The following TBC1D32 variants were observed in gnomAD, a reference collection of about 807,000 sequenced individuals.
TBC1D32 encodes TBC1 domain family member 32.
TBC1D32 carries 151 observed loss-of-function variants against 170.3 expected under a neutral mutation model. The ratio of observed to expected loss-of-function variants is 0.89; its 90% CI spans 0.78 to 1.01. The LOEUF (loss-of-function observed/expected upper bound fraction) is 1.01. Among genes scored for constraint, TBC1D32 ranks in the 50% least tolerant of loss-of-function variants. TBC1D32 has a pLI of 0.00. For synonymous variants in TBC1D32, 498 were observed against 488.0 expected, an observed-to-expected ratio of 1.02 and a Z score of -0.27; for missense variants, 1,464 against 1,457.1, an observed-to-expected ratio of 1.00 and a Z score of -0.08.
At chr6:121,091,221 A>T (rs1353847731) in intron 30 of TBC1D32, among the ~76,000 whole-genome samples, 180 bp from the exon 31 acceptor site, 1 of 152,192 alleles carries the variant, frequency 6.6e-6, no homozygotes, top group East Asian at 1.9e-4. Context: ...TCAGTTGTGA[A>T]AAAAACTTTC....
chr6:121,147,780 G>C (rs1562654875), intron 24 of TBC1D32, among the ~76,000 whole-genome samples: 1 of 151,972 alleles, frequency 6.6e-6, no homozygotes, highest in African/African-American at 2.4e-5. Context: ...TTTTAGTAGA[G>C]ACAGGGTTTA....
intron 22 of TBC1D32, among the ~76,000 whole-genome samples, chr6:121,189,051 T>C (rs1219096165): frequency 6.6e-6 from 1 of 152,212 alleles, no homozygotes; most frequent in East Asian, 1.9e-4. Flanking sequence ...ATTAATATGA[T>C]TTAATTGTTG....
Position 121,281,638 on chromosome 6 carries a change from C to T in TBC1D32, c.1514G>A (p.Ser505Asn). 1 of 1,605,706 alleles carries T rather than the reference C, an allele frequency of 6.2e-7. No homozygotes were observed. The highest frequency in any genetic ancestry group is 8.5e-7 in the Non-Finnish European group (1 of 1,175,230). ...TTCCACTGCACATTCTTTTTGATCA[C>T]TGAGTATCCACAGAACTTCAGTCAC... ...SMVTEVLWIL[S>N]DQKECAVECL... Residue 505 changes from serine (S) to asparagine (N), a missense_variant, in exon 14 of 32, where the codon AGT (serine) becomes AAT (asparagine). By Grantham distance (46) the Ser-to-Asn change is conservative. This residue lies in a region of TBC1D32 where 1,363 missense variants were observed against 1,338.1 expected (regional missense o/e 1.02). Transcript: ENST00000398212.
chr6:121,282,605 C>T (rs1803176672), intron 13 of TBC1D32, among the ~76,000 whole-genome samples: 2 of 151,842 alleles, frequency 1.3e-5, no homozygotes, highest in South Asian at 4.1e-4. Flanking sequence ...GTGAGAAACC[C>T]TGTTTACAAG....
chr6:121,184,387 A>T (rs1456514881), intron 22 of TBC1D32, among the ~76,000 whole-genome samples: 1 of 151,988 alleles, frequency 6.6e-6, no homozygotes, highest in Non-Finnish European at 1.5e-5. Context: ...TCTGAGTTCT[A>T]GTAGCCTAGA....
chr6:121,173,814 A>G (rs1787394606), intron 22 of TBC1D32, among the ~76,000 whole-genome samples: 1 of 152,102 alleles, frequency 6.6e-6, no homozygotes, highest in Non-Finnish European at 1.5e-5. Flanking sequence ...GCATGACCCT[A>G]GCTTCTCTAG....
intron 24 of TBC1D32, among the ~76,000 whole-genome samples, chr6:121,138,867 C>T (rs1482093945): frequency 2.1e-5 from 3 of 145,856 alleles, no homozygotes; most frequent in Non-Finnish European, 3.0e-5. Flanking sequence ...TTTTTTGAGA[C>T]GGAGTCTCGC....
intron 1 of TBC1D32, among the ~76,000 whole-genome samples, chr6:121,331,348 A>G (rs961551759): frequency 1.3e-5 from 2 of 149,332 alleles, no homozygotes; most frequent in African/African-American, 4.9e-5. Context: ...AGCTGGGATT[A>G]CCAGCACCCA....
At chr6:121,119,192 T>C (rs1407653776) in intron 26 of TBC1D32, among the ~76,000 whole-genome samples, 2 of 152,180 alleles carry the variant, frequency 1.3e-5, no homozygotes, top group African/African-American at 2.4e-5. Context: ...AAAAAGCACA[T>C]TGCCTGAAAC....
chr6:121,316,424 T>C (rs1262414139), intron 3 of TBC1D32, among the ~76,000 whole-genome samples: 1 of 152,110 alleles, frequency 6.6e-6, no homozygotes, highest in African/African-American at 2.4e-5. Context: ...TCAATAAACT[T>C]ACTAAACAAG....
At chr6:121,109,944 C>T (rs1332676193) in intron 29 of TBC1D32, among the ~76,000 whole-genome samples, 1 of 151,938 alleles carries the variant, frequency 6.6e-6, no homozygotes, top group Non-Finnish European at 1.5e-5. Flanking sequence ...TAAAAGCTTA[C>T]AGATCCTTAC....
At chr6:121,132,497 A>G (rs1781544496) in intron 24 of TBC1D32, among the ~76,000 whole-genome samples, 1 of 151,956 alleles carries the variant, frequency 6.6e-6, no homozygotes, top group African/African-American at 2.4e-5. Flanking sequence ...TTCACAGTTT[A>G]TTATTCTTTG....
chr6:121,329,562 G>T (rs1219670663), intron 1 of TBC1D32, among the ~76,000 whole-genome samples: 2 of 152,204 alleles, frequency 1.3e-5, no homozygotes, highest in African/African-American at 4.8e-5. Flanking sequence ...TGAGGCAAGA[G>T]AATCACTTGA....
At position 121,248,549 on chromosome 6, in the gene TBC1D32, T is replaced by G. The variant is rs529316335; in HGVS notation, c.2019-6210A>C. On this transcript the variant is annotated intron_variant, in intron 17 of 31. Transcript: ENST00000398212. The stretch of plus-strand genomic sequence containing the variant: ...AGCTAGTTTTCTGAAAAGATAAAAC[T>G]GATAACCATTAGCAAGATTAACCAA... Among the ~76,000 whole-genome samples the G allele has an allele frequency of 2.0e-5, 3 of 151,684 alleles. No homozygotes were observed. The South Asian group carries it at 6.2e-4, about 31-fold the overall frequency.
At chr6:121,160,903 A>T (rs1263475886) in intron 23 of TBC1D32, 45 bp downstream of exon 23, 1 of 1,509,510 alleles carries the variant, frequency 6.6e-7, no homozygotes. Context: ...TTGCTTCAAA[A>T]TATGTCAGAA....
At chr6:121,214,772 C>T (rs1399509885) in intron 21 of TBC1D32, among the ~76,000 whole-genome samples, 1 of 152,200 alleles carries the variant, frequency 6.6e-6, no homozygotes, top group Non-Finnish European at 1.5e-5. Context: ...AGGCATGTTT[C>T]GGTCCTGTTT....
intron 30 of TBC1D32, among the ~76,000 whole-genome samples, chr6:121,101,658 T>A (rs1273617371): frequency 6.6e-6 from 1 of 152,148 alleles, no homozygotes; most frequent in Non-Finnish European, 1.5e-5. Flanking sequence ...ACTGGAAGCA[T>A]TCCCTTTGAA....
intron 20 of TBC1D32, chr6:121,236,964 C>T (rs974547643): frequency 3.3e-5 from 5 of 152,026 alleles, no homozygotes; most frequent in African/African-American, 1.2e-4. Flanking sequence ...CTTCTATACT[C>T]ACTTACCTAT....
chr6:121,090,449 C>A (rs1776689376), intron 31 of TBC1D32, among the ~76,000 whole-genome samples: 1 of 151,852 alleles, frequency 6.6e-6, no homozygotes, highest in African/African-American at 2.4e-5. Flanking sequence ...TCATGAAAAT[C>A]TTTTATAAAA....
Sources: allele counts gnomAD v4.1 joint callset (sites outside exome capture counted in the v4.1 genomes callset), GRCh38; gene constraint gnomAD v4.1.1; regional missense constraint gnomAD v4.1.1; transcripts MANE v1.5; gene names NCBI Gene and HGNC (gene_info 2026-07-23, HGNC 2026-07-21).